DNAJC25: variants seen among roughly 807,000 people sequenced by gnomAD.
DNAJC25 encodes DnaJ heat shock protein family (Hsp40) member C25.
A neutral mutation model predicts 42.1 loss-of-function variants in DNAJC25; 26 were observed. The ratio of observed to expected loss-of-function variants is 0.62; its 90% CI spans 0.45 to 0.86. The LOEUF (loss-of-function observed/expected upper bound fraction) is 0.86, where lower values mean the gene tolerates loss of function less well. Among genes scored for constraint, DNAJC25 ranks in the 40% least tolerant of loss-of-function variants. The pLI, the probability that DNAJC25 is intolerant of heterozygous loss-of-function variation, is 0.00. For missense variants in DNAJC25, 404 were observed against 459.4 expected, an observed-to-expected ratio of 0.88 and a Z score of 1.10; for synonymous variants, 189 against 179.9, an observed-to-expected ratio of 1.05 and a Z score of -0.40.
intron 1 of DNAJC25, among the ~76,000 whole-genome samples, chr9:111,638,588 G>T (rs1445849535): frequency 6.6e-6 from 1 of 151,402 alleles, no homozygotes; most frequent in Non-Finnish European, 1.5e-5. Context: ...TTTTTTTCCT[G>T]TATTCATTAT....
intron 1 of DNAJC25, among the ~76,000 whole-genome samples, chr9:111,639,536 T>A (rs772032222): frequency 4.6e-5 from 7 of 152,038 alleles, no homozygotes; most frequent in Non-Finnish European, 8.8e-5. Flanking sequence ...GAGAAGAAGA[T>A]AAGTTGCACT....
At chr9:111,638,958 C>A (rs1830403615) in intron 1 of DNAJC25, among the ~76,000 whole-genome samples, 1 of 151,980 alleles carries the variant, frequency 6.6e-6, no homozygotes, top group South Asian at 2.1e-4. Context: ...CCCCAATGCT[C>A]AAGCTTCCCT....
intron 1 of DNAJC25, among the ~76,000 whole-genome samples, chr9:111,638,089 C>T (rs563405968): frequency 1.3e-5 from 2 of 152,150 alleles, no homozygotes; most frequent in East Asian, 1.9e-4. Context: ...CACAGGTACC[C>T]GCAATTAAAC....
intron 1 of DNAJC25, among the ~76,000 whole-genome samples, chr9:111,641,576 T>TG (rs1830467156): frequency 4.5e-5 from 3 of 67,088 alleles, no homozygotes; most frequent in African/African-American, 6.6e-5. Flanking sequence ...GGGAGGGAGG[T>TG]GGGGGGGTCG....
rs1830615536 is a variant in DNAJC25, at chr9:111,649,461, C to T, written c.498C>T (p.Ser166=). The T allele has an allele frequency of 1.9e-6, 3 of 1,568,854 alleles. No homozygotes were observed. Among genetic ancestry groups the T allele is most frequent in the South Asian group, 1.2e-5 (1 of 83,686 alleles). ...VCAISVFQFF[S]WWNSYNKAIS... Reference sequence around the variant, plus strand: ...TCTGTTAATTATTCTAGTTTTTCAGCTGGTGGAATAGCTACAATAAGGCAA... The same window carrying T: ...TCTGTTAATTATTCTAGTTTTTCAGTTGGTGGAATAGCTACAATAAGGCAA... The change falls in exon 3 of 4, where the codon AGC becomes AGT. Residue 166 remains serine (S), a synonymous_variant. Transcript: ENST00000313525.
In DNAJC25 at chr9:111,653,426, T is replaced by C; in HGVS notation, c.*204T>C. 2.0e-6 allele frequency: 1 copy of C among 495,872 alleles called. No homozygotes were observed. 30.7% of individuals were successfully genotyped at this position (495,872 alleles called of 1,614,324 possible). ...TTATGATTGTTCAATTTTTATAATC[T>C]ATTTGTGGATTTTGTTAAAAGATTT... On this transcript the variant is annotated 3_prime_UTR_variant, in exon 4 of 4. Coordinates refer to ENST00000313525, the MANE Select transcript of DNAJC25 (RefSeq NM_001015882.3).
At chr9:111,647,564 A>G (rs1332226802) in intron 2 of DNAJC25, among the ~76,000 whole-genome samples, 2 of 152,212 alleles carry the variant, frequency 1.3e-5, no homozygotes, top group Non-Finnish European at 2.9e-5. Flanking sequence ...TTACCTCTGT[A>G]GGACTTTTCC....
chr9:111,634,659 A>G (rs1261222101), intron 1 of DNAJC25, among the ~76,000 whole-genome samples: 1 of 152,180 alleles, frequency 6.6e-6, no homozygotes, highest in African/African-American at 2.4e-5. Context: ...ATAATTATGT[A>G]AAACATCAGT....
intron 3 of DNAJC25, among the ~76,000 whole-genome samples, chr9:111,652,514 C>CAA (rs1308204248): frequency 9.0e-4 from 58 of 64,546 alleles, no homozygotes; most frequent in Middle Eastern, 0.027. Flanking sequence ...GACCCTGTCT[C>CAA]AAAAAAAAAA....
chr9:111,641,333 G>A (rs1464868719), intron 1 of DNAJC25, among the ~76,000 whole-genome samples: 2 of 140,116 alleles, frequency 1.4e-5, no homozygotes, highest in African/African-American at 2.6e-5. Flanking sequence ...CCGGCCAGCC[G>A]CCCCATCCGG....
intron 2 of DNAJC25, 110 bp from the exon 3 acceptor site, chr9:111,649,343 A>C: frequency 2.8e-6 from 4 of 1,424,554 alleles, no homozygotes; most frequent in Non-Finnish European, 3.7e-6. Flanking sequence ...CCCTATTTTT[A>C]ATTGTAATGG....
intron 1 of DNAJC25, among the ~76,000 whole-genome samples, chr9:111,644,289 T>G (rs1332305209): frequency 6.6e-6 from 1 of 152,156 alleles, no homozygotes; most frequent in Non-Finnish European, 1.5e-5. Context: ...AGGCTCTGCT[T>G]GCAGTAGAGA....
intron 1 of DNAJC25, among the ~76,000 whole-genome samples, chr9:111,635,094 A>G (rs1830343945): frequency 6.6e-6 from 1 of 152,208 alleles, no homozygotes. Context: ...TTGGAAGTTA[A>G]ACAAGTGGAC....
chr9:111,635,842 A>G (rs1477303688), intron 1 of DNAJC25, among the ~76,000 whole-genome samples: 1 of 152,184 alleles, frequency 6.6e-6, no homozygotes, highest in Non-Finnish European at 1.5e-5. Flanking sequence ...GTTTCCTTTT[A>G]CCAGTCTGAT....
chr9:111,642,287 A>T (rs1228092089), intron 1 of DNAJC25, among the ~76,000 whole-genome samples: 1 of 100,824 alleles, frequency 9.9e-6, no homozygotes, highest in African/African-American at 4.0e-5. Context: ...CTGCCTTGGG[A>T]TCCTGTTGAT....
Position 111,631,831 on chromosome 9 carries a change from T to C in DNAJC25, c.336+88T>C, listed in dbSNP as rs1006321079. The C allele has an allele frequency of 7.0e-6, 10 of 1,425,096 alleles. No homozygotes were observed. In the South Asian group the frequency reaches 1.0e-4, roughly 14 times the overall value. 88.3% of individuals were successfully genotyped at this position (1,425,096 alleles called of 1,614,324 possible). On this transcript the variant is annotated intron_variant, in intron 1 of 3. Transcript: ENST00000313525. ...GACCCCGGTCCGCGGAGCGTGGGCC[T>C]CTGTGACCCCGAAACTGAGCACAGC...
intron 1 of DNAJC25, among the ~76,000 whole-genome samples, chr9:111,642,688 T>TA (rs1830499545): frequency 6.6e-6 from 1 of 152,120 alleles, no homozygotes; most frequent in African/African-American, 2.4e-5. Flanking sequence ...TATTACAATT[T>TA]ATGTACTGAG....
Position 111,649,779 on chromosome 9 carries a change from C to T in DNAJC25, c.816C>T (p.Ile272=). The T allele has an allele frequency of 1.2e-6, 2 of 1,613,822 alleles. No individual in the cohort carries two copies. The highest frequency in any genetic ancestry group is 1.7e-6 in the Non-Finnish European group (2 of 1,179,950). The change falls in exon 3 of 4, where the codon ATC becomes ATT. Residue 272 remains isoleucine, a synonymous_variant. Transcript: ENST00000313525. ...WYCRWIYNFN[I]KGKEYGEEER... is the part of the protein sequence containing the mutation. ...GTCGGTGGATCTATAATTTTAACAT[C>T]AAAGGCAAAGAATATGGAGAGGAAG...
chr9:111,644,775 G>A (rs919982552), intron 1 of DNAJC25, among the ~76,000 whole-genome samples: 10 of 152,202 alleles, frequency 6.6e-5, no homozygotes, highest in East Asian at 1.9e-4. Flanking sequence ...GATTTAAGGC[G>A]CCAAAACGGC....
Sources: gnomAD v4.1 joint callset for allele counts (sites outside exome capture counted in the v4.1 genomes callset) on GRCh38, gnomAD v4.1.1 for gene constraint, MANE v1.5 for transcripts, NCBI Gene and HGNC (gene_info 2026-07-23, HGNC 2026-07-21) for gene names.